RNF214: variants seen among roughly 807,000 people sequenced by gnomAD.
RNF214 encodes the protein ring finger protein 214.
RNF214 carries 25 observed loss-of-function variants against 75.9 expected under a neutral mutation model. The observed-to-expected ratio is 0.33, with a 90% confidence interval of 0.24 to 0.46. The LOEUF is 0.46. Among genes scored for constraint, RNF214 ranks in the 20% least tolerant of loss-of-function variants. The pLI is 1.00. For missense variants in RNF214, 725 were observed against 857.5 expected (o/e 0.85, Z 1.93); for synonymous variants, 314 against 308.8 (o/e 1.02, Z -0.18).
intron 14 of RNF214, 142 bp downstream of exon 14, chr11:117,283,352 T>C (rs2034168239): frequency 3.1e-6 from 2 of 644,288 alleles, no homozygotes; most frequent in East Asian, 2.8e-5. Flanking sequence ...ATCATTAATA[T>C]CTTTTTTGTT....
Position 117,246,815 on chromosome 11 carries a change from T to C in RNF214, c.826T>C (p.Leu276=), listed in dbSNP as rs781270940. Residue 276 remains leucine, a synonymous_variant, in exon 6 of 15, where the codon TTA becomes CTA. Coordinates refer to ENST00000300650, the MANE Select transcript of RNF214 (RefSeq NM_207343.4). ...EEEMKNHQEI[L]KAIQDVTIKR... ...GTAATTGTGTGGAACTCAGGAGATA[T>C]TAAAGGCTATTCAGGATGTGACAAT... 50 of 1,591,950 alleles carry C rather than the reference T, an allele frequency of 3.1e-5. 1 individual carries two copies. The Middle Eastern group carries it at 5.0e-4, about 16-fold the overall frequency.
intron 6 of RNF214, among the ~76,000 whole-genome samples, chr11:117,264,660 T>C (rs1056777747): frequency 6.6e-6 from 1 of 152,218 alleles, no homozygotes; most frequent in African/African-American, 2.4e-5. Flanking sequence ...GTTTACTTTA[T>C]GTGATATTGC....
intron 6 of RNF214, among the ~76,000 whole-genome samples, chr11:117,275,301 AAGAC>A (rs2033994777): frequency 6.6e-6 from 1 of 152,170 alleles, no homozygotes; most frequent in Non-Finnish European, 1.5e-5. Context: ...CTTCATCAAA[AAGAC>A]AGGTCACAAA....
chr11:117,274,959 G>T (rs2033986376), intron 6 of RNF214, among the ~76,000 whole-genome samples: 1 of 152,098 alleles, frequency 6.6e-6, no homozygotes, highest in Admixed American at 6.6e-5. Context: ...GATTACAGGT[G>T]TGAGCCACTG....
intron 1 of RNF214, among the ~76,000 whole-genome samples, chr11:117,234,009 A>G (rs772555127): frequency 6.6e-6 from 1 of 152,236 alleles, no homozygotes; most frequent in Non-Finnish European, 1.5e-5. Flanking sequence ...TTTCTGCCAA[A>G]AGTGAAAATA....
In RNF214 at chr11:117,281,928, C is replaced by T. The variant is rs780542286; in HGVS notation, c.1370C>T (p.Pro457Leu). 9.3e-6 allele frequency: 15 copies of T among 1,613,922 alleles called. No individual in the cohort carries two copies. In the South Asian group the frequency reaches 1.5e-4, roughly 17 times the overall value. Reference protein sequence around the residue: ...DFMLQVFQPSPSLAPRMPFSI... With the variant: ...DFMLQVFQPSLSLAPRMPFSI... ...ATGCTTCAGGTGTTTCAACCCAGTC[C>T]CTCTCTGGCTCCTCGGATGCCCTTC... The change falls in exon 11 of 15, where the codon CCC becomes CTC. Residue 457 changes from proline to leucine, a missense_variant. Transcript: ENST00000300650.
At position 117,256,396 on chromosome 11, in the gene RNF214, A is replaced by T. The variant is rs145844067; in HGVS notation, c.959+9448A>T. On this transcript the variant is annotated intron_variant, in intron 6 of 14. Transcript: ENST00000300650. Reference sequence around the variant, plus strand: ...TTTGGGTGGATTGCTTCTCAGATGGATGGTTCTGTTGGCCTTGTTTGGAGT... The same window carrying T: ...TTTGGGTGGATTGCTTCTCAGATGGTTGGTTCTGTTGGCCTTGTTTGGAGT... 2.5e-3 allele frequency among the ~76,000 whole-genome samples: 382 copies of T among 152,222 alleles called. 13 individuals carry two copies. The South Asian group carries it at 0.049, about 20-fold the overall frequency.
intron 14 of RNF214, among the ~76,000 whole-genome samples, chr11:117,283,545 G>A (rs2134424749): frequency 6.6e-6 from 1 of 152,128 alleles, no homozygotes. Context: ...ATTTTTAGTA[G>A]AGACAGGGTT....
chr11:117,235,664 G>A (rs1277149835), intron 2 of RNF214, among the ~76,000 whole-genome samples: 2 of 151,870 alleles, frequency 1.3e-5, no homozygotes, highest in East Asian at 1.9e-4. Flanking sequence ...CCAGCACCAC[G>A]CCTGGCTAAT....
At chr11:117,238,043 T>G (rs1057129792) in intron 2 of RNF214, among the ~76,000 whole-genome samples, 7 of 152,214 alleles carry the variant, frequency 4.6e-5, no homozygotes, top group African/African-American at 1.4e-4. Context: ...TTCATCGGTA[T>G]CCCCAAAAGT....
chr11:117,272,004 G>A (rs2033921394), intron 6 of RNF214, among the ~76,000 whole-genome samples: 1 of 152,120 alleles, frequency 6.6e-6, no homozygotes, highest in African/African-American at 2.4e-5. Context: ...TTAGAGGCGA[G>A]GGTCTTGCCA....
At chr11:117,259,025 T>G (rs2033595576) in intron 6 of RNF214, among the ~76,000 whole-genome samples, 1 of 152,206 alleles carries the variant, frequency 6.6e-6, no homozygotes, top group Non-Finnish European at 1.5e-5. Context: ...GACATGATCT[T>G]GGTTCACTGC....
intron 6 of RNF214, among the ~76,000 whole-genome samples, chr11:117,268,130 A>C (rs1013419020): frequency 6.6e-6 from 1 of 152,188 alleles, no homozygotes; most frequent in African/African-American, 2.4e-5. Context: ...TGTCACACAT[A>C]GTTTGTCCTA....
intron 4 of RNF214, among the ~76,000 whole-genome samples, chr11:117,240,217 G>A (rs2033032916): frequency 6.6e-6 from 1 of 151,590 alleles, no homozygotes; most frequent in South Asian, 2.1e-4. Flanking sequence ...GCCAGGTGTG[G>A]TGGTGCATGC....
At chr11:117,267,068 T>G (rs2033812258) in intron 6 of RNF214, among the ~76,000 whole-genome samples, 1 of 151,926 alleles carries the variant, frequency 6.6e-6, no homozygotes, top group African/African-American at 2.4e-5. Context: ...TCTCAAACTC[T>G]TGGGCTCAGA....
intron 6 of RNF214, among the ~76,000 whole-genome samples, chr11:117,251,063 CT>C (rs1443033574): frequency 1.3e-5 from 2 of 150,846 alleles, no homozygotes; most frequent in Non-Finnish European, 3.0e-5. Context: ...TTTTCCCCAC[CT>C]TTCCCCCCTT....
intron 2 of RNF214, among the ~76,000 whole-genome samples, chr11:117,237,417 C>T (rs2032939450): frequency 6.6e-6 from 1 of 152,088 alleles, no homozygotes; most frequent in South Asian, 2.1e-4. Flanking sequence ...TGAACTAGTA[C>T]GACTGAGGAA....
intron 6 of RNF214, among the ~76,000 whole-genome samples, chr11:117,268,892 C>T (rs929025571): frequency 6.6e-6 from 1 of 152,074 alleles, no homozygotes; most frequent in Admixed American, 6.6e-5. Flanking sequence ...AGAGGGAAAG[C>T]GTTCTCTTTG....
intron 2 of RNF214, among the ~76,000 whole-genome samples, chr11:117,236,522 T>C (rs2032916245): frequency 6.6e-6 from 1 of 152,146 alleles, no homozygotes; most frequent in South Asian, 2.1e-4. Context: ...TCCGCCCGCC[T>C]CAGCCTCCCA....
Sources: allele counts gnomAD v4.1 joint callset (sites outside exome capture counted in the v4.1 genomes callset), GRCh38; gene constraint gnomAD v4.1.1; transcripts MANE v1.5; gene names NCBI Gene and HGNC (gene_info 2026-07-23, HGNC 2026-07-21).